The following TBC1D2 variants were observed in gnomAD, a reference collection of about 807,000 sequenced individuals.
TBC1D2 encodes the protein TBC1 domain family member 2A.
In TBC1D2, 58 loss-of-function variants were observed where a neutral mutation model predicts 91.1. The observed-to-expected ratio is 0.64, with a 90% CI of 0.52 to 0.79. The LOEUF is 0.79. Ranked by LOEUF, TBC1D2 falls within the 30% of genes least tolerant of loss-of-function variation. The pLI, the probability that TBC1D2 is intolerant of heterozygous loss-of-function variation, is 0.00. For synonymous variants in TBC1D2, 482 were observed against 511.5 expected (o/e 0.94, Z 0.78); for missense variants, 1,080 against 1,208.3 (o/e 0.89, Z 1.57).
At chr9:98,218,000 G>A (rs1212735054) in intron 6 of TBC1D2, among the ~76,000 whole-genome samples, 1 of 152,086 alleles carries the variant, frequency 6.6e-6, no homozygotes, top group Non-Finnish European at 1.5e-5. Flanking sequence ...ACAGGCACGT[G>A]CTACTGTGCC....
At chr9:98,201,064 G>A (rs1232716617) in intron 11 of TBC1D2, among the ~76,000 whole-genome samples, 1 of 151,704 alleles carries the variant, frequency 6.6e-6, no homozygotes, top group Non-Finnish European at 1.5e-5. Context: ...TGGGTGCTTT[G>A]TAAACTGAGG....
At chr9:98,231,697 T>TC (rs753085589) in intron 4 of TBC1D2, among the ~76,000 whole-genome samples, 1 of 152,230 alleles carries the variant, frequency 6.6e-6, no homozygotes, top group Non-Finnish European at 1.5e-5. Flanking sequence ...TGTCACTCAC[T>TC]CTGTGGCCGT....
intron 11 of TBC1D2, 110 bp from the exon 12 acceptor site, chr9:98,200,484 C>A: frequency 1.1e-6 from 1 of 940,432 alleles, no homozygotes; most frequent in Non-Finnish European, 1.5e-6. Flanking sequence ...GGACTGGCTG[C>A]GGAAGTTGAG....
chr9:98,237,385 A>G (rs1588057413), intron 3 of TBC1D2, among the ~76,000 whole-genome samples: 1 of 151,134 alleles, frequency 6.6e-6, no homozygotes, highest in Middle Eastern at 3.4e-3. Context: ...GGCTTTGCTG[A>G]AAAAAAAGAA....
At chr9:98,216,267 T>C (rs1330906587) in intron 6 of TBC1D2, among the ~76,000 whole-genome samples, 1 of 152,152 alleles carries the variant, frequency 6.6e-6, no homozygotes, top group Non-Finnish European at 1.5e-5. Context: ...ATCGTCTCCC[T>C]CACTGAGTTT....
intron 5 of TBC1D2, among the ~76,000 whole-genome samples, chr9:98,224,473 G>A (rs1301692584): frequency 6.6e-6 from 1 of 151,852 alleles, no homozygotes; most frequent in Non-Finnish European, 1.5e-5. Flanking sequence ...TGTAGAGACA[G>A]GGTCTCCCTA....
intron 9 of TBC1D2, 109 bp downstream of exon 9, chr9:98,208,559 G>T: frequency 9.6e-7 from 1 of 1,041,582 alleles, no homozygotes; most frequent in Non-Finnish European, 1.3e-6. Flanking sequence ...ACCTCCTGCT[G>T]TGCGGCCCCT....
chr9:98,237,166 G>A (rs10818645), intron 3 of TBC1D2, among the ~76,000 whole-genome samples: 36,400 of 151,304 alleles, frequency 0.24, 4,547 homozygotes, highest in Non-Finnish European at 0.28. Flanking sequence ...GTGAAACTCC[G>A]TCTTTACTAA....
rs1554753270 is a variant in TBC1D2 at position 98,220,908 on chromosome 9, A to AG, written c.1298dup (p.Asp434Ter). The AG allele has an allele frequency of 1.9e-6, 3 of 1,614,098 alleles. No individual in the cohort carries two copies. The highest frequency in any genetic ancestry group is 1.1e-5 in the South Asian group (1 of 91,074). On this transcript the variant is annotated frameshift_variant, in exon 6 of 13. Transcript: ENST00000465784. LOFTEE classifies it high-confidence loss of function. ...CGTCGGGGCGCAAAGGAGACTGGTC[A>AG]GGGGGGTGCGTGAAGTCCTGGGTGA...
At chr9:98,241,103 C>T (rs1436243037) in intron 3 of TBC1D2, among the ~76,000 whole-genome samples, 1 of 152,182 alleles carries the variant, frequency 6.6e-6, no homozygotes, top group East Asian at 1.9e-4. Flanking sequence ...AAGTGAAACA[C>T]TATGATGCAT....
Position 98,203,418 on chromosome 9 carries a change from T to C in TBC1D2, c.2151-10A>G. On this transcript the variant is annotated splice_polypyrimidine_tract_variant and intron_variant, in intron 9 of 12. Coordinates refer to ENST00000465784, the MANE Select transcript of TBC1D2 (RefSeq NM_001267571.2). ...GGCAATGGCCGCCAGCCTGGAGTAGTAGGGAAGGCCTGGAGTGATTACAGA... is the reference window on the plus strand; with the variant it reads ...GGCAATGGCCGCCAGCCTGGAGTAGCAGGGAAGGCCTGGAGTGATTACAGA... 1.9e-6 allele frequency: 3 copies of C among 1,613,880 alleles called. No homozygotes were observed. In the African/African-American group the frequency reaches 4.0e-5, roughly 22 times the overall value.
At chr9:98,207,322 T>C (rs754610180) in intron 9 of TBC1D2, among the ~76,000 whole-genome samples, 1 of 152,250 alleles carries the variant, frequency 6.6e-6, no homozygotes, top group Non-Finnish European at 1.5e-5. Context: ...GCATGGCTTA[T>C]GTAAATTTTG....
intron 1 of TBC1D2, among the ~76,000 whole-genome samples, chr9:98,254,409 T>G (rs1221460372): frequency 2.6e-5 from 4 of 152,206 alleles, no homozygotes; most frequent in Admixed American, 6.5e-5. Context: ...ATTCAACAAT[T>G]TGTACATGCC....
intron 3 of TBC1D2, among the ~76,000 whole-genome samples, chr9:98,242,797 T>G (rs1283495372): frequency 7.2e-6 from 1 of 138,364 alleles, no homozygotes; most frequent in Non-Finnish European, 1.5e-5. Flanking sequence ...CAGGCCACAC[T>G]GCTGCCTTTT....
At chr9:98,215,621 C>T (rs945553099) in intron 6 of TBC1D2, among the ~76,000 whole-genome samples, 10 of 152,210 alleles carry the variant, frequency 6.6e-5, no homozygotes, top group African/African-American at 2.4e-4. Flanking sequence ...AATCCTCCCA[C>T]CTCAGCCTGT....
chr9:98,203,301 A>G lies in TBC1D2; in HGVS notation c.2258T>C (p.Leu753Pro). The G allele has an allele frequency of 6.2e-7, 1 of 1,614,250 alleles. No homozygotes were observed. The highest frequency in any genetic ancestry group is 8.5e-7 in the Non-Finnish European group (1 of 1,180,050). ...IMPADYYCNT[L>P]TASQVDQRVL... ...GGCCCCACTTACCTGGGATGCCGTC[A>G]GCGTGTTGCAGTAGTAATCAGCGGG... The change falls in exon 10 of 13, where the codon CTG (leucine) becomes CCG (proline). Residue 753 changes from leucine to proline, a missense_variant. By Grantham distance (98) the Leu-to-Pro change is moderately conservative. Transcript: ENST00000465784.
chr9:98,243,219 G>A (rs1328039704), intron 3 of TBC1D2, among the ~76,000 whole-genome samples: 1 of 151,988 alleles, frequency 6.6e-6, no homozygotes, highest in Non-Finnish European at 1.5e-5. Flanking sequence ...TGAGTAATTT[G>A]ATGCTTTTGA....
chr9:98,201,763 GAAGCTGC>G, intron 10 of TBC1D2, 99 bp from the exon 11 acceptor site: 1 of 1,274,292 alleles, frequency 7.8e-7, no homozygotes. Context: ...ACACAATCCT[GAAGCTGC>G]TCTGGGCAGG....
chr9:98,235,456 G>C, intron 3 of TBC1D2: 1 of 476,074 alleles, frequency 2.1e-6, no homozygotes. Flanking sequence ...AAAAATGAAT[G>C]TCTGCTATTC....
Sources: allele counts gnomAD v4.1 joint callset (sites outside exome capture counted in the v4.1 genomes callset), GRCh38; gene constraint gnomAD v4.1.1; transcripts MANE v1.5; gene names NCBI Gene and HGNC (gene_info 2026-07-23, HGNC 2026-07-21).